The following KDR variants were observed in gnomAD, a reference collection of about 807,000 sequenced individuals.
KDR encodes kinase insert domain receptor.
In KDR, 43 loss-of-function variants were observed where a neutral mutation model predicts 160.9. That is an observed-to-expected ratio of 0.27 (90% CI 0.21 to 0.34). The LOEUF is 0.34. Ranked by LOEUF, KDR falls within the 10% of genes least tolerant of loss-of-function variation. The pLI is 1.00. For missense variants in KDR, 1,469 were observed against 1,666.4 expected (o/e 0.88, Z 2.06); for synonymous variants, 617 against 600.1 (o/e 1.03, Z -0.41).
intron 27 of KDR, among the ~76,000 whole-genome samples, chr4:55,084,521 C>T (rs1175872947): frequency 6.6e-6 from 1 of 151,934 alleles, no homozygotes; most frequent in African/African-American, 2.4e-5. Context: ...TCATGATTGA[C>T]AAAGCATTTT....
chr4:55,102,065 TG>T, intron 14 of KDR, 37 bp from the exon 15 acceptor site: 1 of 1,613,062 alleles, frequency 6.2e-7, no homozygotes, highest in Non-Finnish European at 8.5e-7. Context: ...TCATTTATGA[TG>T]ATGTAGTCTG....
intron 21 of KDR, among the ~76,000 whole-genome samples, chr4:55,094,009 G>A (rs1720085336): frequency 6.6e-6 from 1 of 151,782 alleles, no homozygotes; most frequent in South Asian, 2.1e-4. Flanking sequence ...AGACCAGCCT[G>A]GCCAACATGG....
chr4:55,099,271 T>C (rs1490142365), intron 15 of KDR, among the ~76,000 whole-genome samples: 1 of 152,122 alleles, frequency 6.6e-6, no homozygotes, highest in African/African-American at 2.4e-5. Context: ...CCCCCTGCCT[T>C]GGCCTCCCAA....
Position 55,079,968 on chromosome 4 carries a change from C to T in KDR, c.4044G>A (p.Gly1348=). The part of the protein sequence containing the change: ...STAQILQPDS[G]TTLSSPPV ...AAACAGGAGGAGAGCTCAGTGTGGT[C>T]CCCGAGTCAGGCTGGAGAATCTGGG... Residue 1348 remains glycine, a synonymous_variant, in exon 30 of 30, where the codon GGG becomes GGA. Coordinates refer to ENST00000263923, the MANE Select transcript of KDR (RefSeq NM_002253.4). The T allele has an allele frequency of 6.2e-7, 1 of 1,614,108 alleles. No individual in the cohort carries two copies. The highest frequency in any genetic ancestry group is 8.5e-7 in the Non-Finnish European group (1 of 1,179,992).
chr4:55,086,050 A>G (rs1199093678), intron 27 of KDR, among the ~76,000 whole-genome samples: 1 of 152,186 alleles, frequency 6.6e-6, no homozygotes, highest in Admixed American at 6.5e-5. Context: ...TGTGGGAACA[A>G]CTGTCACACT....
chr4:55,087,279 C>T (rs555336295), intron 27 of KDR, among the ~76,000 whole-genome samples: 3 of 152,214 alleles, frequency 2.0e-5, no homozygotes, highest in Non-Finnish European at 2.9e-5. Flanking sequence ...AAAGCATACA[C>T]GGGGATAATT....
chr4:55,085,266 G>A lies in KDR; in HGVS notation c.3662+2341C>T, dbSNP rs532862982. ...TAGAGGCAAAGCTAAGTCTAGACAT[G>A]AGTGGTCCCTCCCCCACACACTTCT... On this transcript the variant is annotated intron_variant, in intron 27 of 29. Coordinates refer to ENST00000263923, the MANE Select transcript of KDR (RefSeq NM_002253.4). 3.0e-3 allele frequency among the ~76,000 whole-genome samples: 458 copies of A among 152,286 alleles called. 3 individuals are homozygous for A. The highest frequency in any genetic ancestry group is 0.014 in the Middle Eastern group (4 of 294).
chr4:55,086,698 CCA>C (rs1401055650), intron 27 of KDR, among the ~76,000 whole-genome samples: 2 of 152,158 alleles, frequency 1.3e-5, no homozygotes, highest in Non-Finnish European at 2.9e-5. Flanking sequence ...TTCTGCTGCC[CCA>C]CACGACTCTA....
intron 21 of KDR, among the ~76,000 whole-genome samples, chr4:55,093,583 T>C (rs958141287): frequency 6.6e-6 from 1 of 152,204 alleles, no homozygotes; most frequent in Non-Finnish European, 1.5e-5. Flanking sequence ...CACCACTCAG[T>C]GTGGGCCCAG....
At chr4:55,080,286 C>T (rs1719699455) in intron 29 of KDR, 123 bp from the exon 30 acceptor site, 3 of 807,434 alleles carry the variant, frequency 3.7e-6, no homozygotes, top group South Asian at 2.9e-5. Context: ...CCCCGTATCT[C>T]TCCCAGTTGT....
At chr4:55,097,124 A>G (rs1337958300) in intron 18 of KDR, among the ~76,000 whole-genome samples, 1 of 152,206 alleles carries the variant, frequency 6.6e-6, no homozygotes, top group Admixed American at 6.5e-5. Context: ...GAATTCCGTT[A>G]CTATTAGAAT....
chr4:55,085,065 C>G (rs369059036), intron 27 of KDR, among the ~76,000 whole-genome samples: 11 of 152,194 alleles, frequency 7.2e-5, no homozygotes, highest in African/African-American at 2.4e-4. Context: ...TAAGAGAGAA[C>G]TGCAAAGAAA....
At chr4:55,102,639 A>G (rs548745840) in intron 13 of KDR, 131 bp from the exon 14 acceptor site, 69 of 898,196 alleles carry the variant, frequency 7.7e-5, no homozygotes, top group Non-Finnish European at 1.8e-6. Context: ...CTGGGAAAAT[A>G]CACTGGTCAC....
At chr4:55,107,509 C>T (rs73816210) in intron 10 of KDR, among the ~76,000 whole-genome samples, 2,690 of 152,222 alleles carry the variant, frequency 0.018, 82 homozygotes, top group African/African-American at 0.061. Context: ...GTGTACCTCA[C>T]GGCTAACCTA....
intron 27 of KDR, 31 bp downstream of exon 27, chr4:55,087,575 TC>T (rs755585942): frequency 4.3e-6 from 7 of 1,609,586 alleles, no homozygotes; most frequent in East Asian, 2.2e-5. Flanking sequence ...GAAGTCACCC[TC>T]CCCCGGGGGA....
chr4:55,117,115 T>A (rs941950351), intron 3 of KDR, among the ~76,000 whole-genome samples: 5 of 152,310 alleles, frequency 3.3e-5, no homozygotes, highest in Admixed American at 1.3e-4. Flanking sequence ...AAATTAACCC[T>A]TTGACGTAAG....
In KDR at chr4:55,109,430, G is replaced by A. The variant is rs12650875; in HGVS notation, c.1255+973C>T. On this transcript the variant is annotated intron_variant, in intron 9 of 29. Coordinates refer to ENST00000263923, the MANE Select transcript of KDR (RefSeq NM_002253.4). ...AAAAAATAATAAAGCCAAGTTCAGC[G>A]GCCTACAGAAGAGTATCAGGACACG... Among the ~76,000 whole-genome samples, 30 of 152,104 alleles carry A rather than the reference G, an allele frequency of 2.0e-4. No individual in the cohort carries two copies. In the East Asian group the frequency reaches 5.0e-3, roughly 25 times the overall value.
intron 29 of KDR, 45 bp downstream of exon 29, chr4:55,081,909 CAA>C: frequency 7.3e-7 from 1 of 1,375,776 alleles, no homozygotes; most frequent in Non-Finnish European, 1.0e-6. Context: ...AAGTTCCTTC[CAA>C]AAATTCCTAT....
chr4:55,087,555 A>G, intron 27 of KDR, 52 bp downstream of exon 27: 1 of 1,555,754 alleles, frequency 6.4e-7, no homozygotes, highest in South Asian at 1.1e-5. Flanking sequence ...CCCCCTCCCG[A>G]GATGGCCTTG....
Sources: allele counts gnomAD v4.1 joint callset (sites outside exome capture counted in the v4.1 genomes callset), GRCh38; gene constraint gnomAD v4.1.1; transcripts MANE v1.5; gene names NCBI Gene and HGNC (gene_info 2026-07-23, HGNC 2026-07-21).